EPHA7: variants seen among roughly 807,000 people sequenced by gnomAD.
The protein encoded by EPHA7 is ephrin type-A receptor 7.
EPHA7 carries 25 observed loss-of-function variants against 112.6 expected under a neutral mutation model. That is an observed-to-expected ratio of 0.22 (90% CI 0.16 to 0.31). The LOEUF is 0.31. Ranked by LOEUF, EPHA7 falls within the 10% of genes least tolerant of loss-of-function variation. EPHA7 has a pLI of 1.00. For synonymous variants in EPHA7, 437 were observed against 406.5 expected (o/e 1.07, Z -0.90); for missense variants, 962 against 1,212.6 (o/e 0.79, Z 3.07).
chr6:93,255,435 T>G (rs1297566167), intron 13 of EPHA7, among the ~76,000 whole-genome samples: 1 of 152,120 alleles, frequency 6.6e-6, no homozygotes, highest in African/African-American at 2.4e-5. Flanking sequence ...ATAATTTAAA[T>G]ACATTCTCAC....
At chr6:93,406,815 ATTTAT>A (rs1440153036) in intron 3 of EPHA7, among the ~76,000 whole-genome samples, 2 of 151,926 alleles carry the variant, frequency 1.3e-5, no homozygotes, top group Non-Finnish European at 1.5e-5. Flanking sequence ...ACTTCAGTAT[ATTTAT>A]TTTATTAGTC....
At chr6:93,248,672 A>AAAACAAAC (rs67661858) in intron 14 of EPHA7, among the ~76,000 whole-genome samples, 25,491 of 150,262 alleles carry the variant, frequency 0.17, 2,465 homozygotes, top group South Asian at 0.38. Context: ...TCTCTTTTTA[A>AAAACAAAC]AAACAAACAA....
At chr6:93,291,287 G>A (rs1174464399) in intron 5 of EPHA7, among the ~76,000 whole-genome samples, 1 of 152,110 alleles carries the variant, frequency 6.6e-6, no homozygotes, top group African/African-American at 2.4e-5. Flanking sequence ...TGAATGCAAT[G>A]TTCCTTATGC....
intron 3 of EPHA7, among the ~76,000 whole-genome samples, chr6:93,390,221 C>CA (rs58831325): frequency 0.013 from 1,659 of 125,578 alleles, 26 homozygotes; most frequent in African/African-American, 0.045. Flanking sequence ...TCTGGATTCT[C>CA]AAAAAAAAAA....
intron 14 of EPHA7, 77 bp downstream of exon 14, chr6:93,254,570 G>T (rs974811133): frequency 8.3e-7 from 1 of 1,204,016 alleles, no homozygotes. Flanking sequence ...TTCTTAATGA[G>T]CCTTTACCTA....
Position 93,240,825 on chromosome 6 carries a change from C to T in EPHA7, c.*2601G>A, listed in dbSNP as rs183876070. On this transcript the variant is annotated 3_prime_UTR_variant, in exon 17 of 17. Transcript: ENST00000369303. ...CATCTCTTTCTGGAAGAGAGTATTA[C>T]AATCAGCATTACAATGTTAATTCTT... 9 of 210,386 alleles carry T rather than the reference C, an allele frequency of 4.3e-5. No homozygotes were observed. Among genetic ancestry groups the T allele is most frequent in the African/African-American group, 1.8e-4 (8 of 44,110 alleles). 13.0% of individuals were successfully genotyped at this position (210,386 alleles called of 1,614,324 possible).
chr6:93,368,532 C>T (rs1317421526), intron 3 of EPHA7, among the ~76,000 whole-genome samples: 1 of 152,094 alleles, frequency 6.6e-6, no homozygotes, highest in Non-Finnish European at 1.5e-5. Context: ...AAAATTGCAA[C>T]TTTAGTCCAA....
chr6:93,278,785 T>A (rs1181073661), intron 5 of EPHA7, among the ~76,000 whole-genome samples: 1 of 151,910 alleles, frequency 6.6e-6, no homozygotes, highest in Non-Finnish European at 1.5e-5. Flanking sequence ...CTCAGAGTCA[T>A]ATTTTTTATT....
At chr6:93,312,066 C>G (rs1554179632) in intron 5 of EPHA7, among the ~76,000 whole-genome samples, 1 of 152,138 alleles carries the variant, frequency 6.6e-6, no homozygotes, top group Non-Finnish European at 1.5e-5. Context: ...ACTAATAGAA[C>G]ACAGACAGAG....
chr6:93,266,795 T>A (rs1770961526), intron 7 of EPHA7, among the ~76,000 whole-genome samples: 1 of 151,664 alleles, frequency 6.6e-6, no homozygotes, highest in Non-Finnish European at 1.5e-5. Context: ...GTGGCCAGAA[T>A]CTGTGTACCT....
intron 3 of EPHA7, among the ~76,000 whole-genome samples, chr6:93,387,916 TAGATAGAC>T (rs1202915396): frequency 1.8e-4 from 14 of 76,074 alleles, no homozygotes; most frequent in East Asian, 1.1e-3. Context: ...CCATCTTAGA[TAGATAGAC>T]AGATAGATAG....
At position 93,406,339 on chromosome 6, in the gene EPHA7, TA is replaced by T. The variant is rs972590314; in HGVS notation, c.832+4161del. On this transcript the variant is annotated intron_variant, in intron 3 of 16. Coordinates refer to ENST00000369303, the MANE Select transcript of EPHA7 (RefSeq NM_004440.4). ...TTTACAAGTAGGATTATCATCCAAA[TA>T]AAAAAAAACATTTTTCAAAGCAAAA... 2.3e-4 allele frequency among the ~76,000 whole-genome samples: 34 copies of T among 149,930 alleles called. No individual in the cohort carries two copies. In the East Asian group the frequency reaches 5.7e-3, roughly 25 times the overall value.
rs556731013 is a variant in EPHA7 at position 93,302,342 on chromosome 6, A to G, written c.1325-29920T>C. ...ATTCCAGGTAAATAATTCTTACTGA[A>G]CTATGACTCCTGGGTTCTTTGACCT... On this transcript the variant is annotated intron_variant, in intron 5 of 16. Coordinates refer to ENST00000369303, the MANE Select transcript of EPHA7 (RefSeq NM_004440.4). Among the ~76,000 whole-genome samples, 8 of 152,250 alleles carry G rather than the reference A, an allele frequency of 5.3e-5. No individual in the cohort carries two copies. The South Asian group carries it at 1.7e-3, about 32-fold the overall frequency.
chr6:93,297,760 T>A (rs982777991), intron 5 of EPHA7, among the ~76,000 whole-genome samples: 1 of 152,138 alleles, frequency 6.6e-6, no homozygotes, highest in Admixed American at 6.5e-5. Flanking sequence ...TTGAGGTCCA[T>A]ATACACTATA....
chr6:93,376,122 CA>C (rs1777047802), intron 3 of EPHA7, among the ~76,000 whole-genome samples: 1 of 151,964 alleles, frequency 6.6e-6, no homozygotes, highest in Non-Finnish European at 1.5e-5. Flanking sequence ...TCAGGGGACA[CA>C]TTTTTTTGTG....
Position 93,240,522 on chromosome 6 carries a change from C to G in EPHA7, c.*2904G>C, listed in dbSNP as rs938584358. 4.6e-6 allele frequency: 1 copy of G among 219,676 alleles called. No homozygotes were observed. The allele number at this position is 219,676 out of a possible 1,614,324, so 13.6% of individuals were successfully genotyped here. ...AGCATAAACCACCAGTTCTAGTAAA[C>G]AAGGACCAGATCAATTGCTGAGAAA... On this transcript the variant is annotated 3_prime_UTR_variant, in exon 17 of 17. Transcript: ENST00000369303.
At chr6:93,320,535 T>G (rs530040984) in intron 5 of EPHA7, among the ~76,000 whole-genome samples, 2 of 152,094 alleles carry the variant, frequency 1.3e-5, no homozygotes, top group African/African-American at 4.8e-5. Context: ...CCTTTCATAT[T>G]TACTAAATTT....
At chr6:93,328,916 T>G (rs1774454414) in intron 5 of EPHA7, among the ~76,000 whole-genome samples, 1 of 151,260 alleles carries the variant, frequency 6.6e-6, no homozygotes, top group Non-Finnish European at 1.5e-5. Context: ...AAAGATAACA[T>G]TATTAAGGAG....
At chr6:93,400,830 G>A (rs181039295) in intron 3 of EPHA7, among the ~76,000 whole-genome samples, 75 of 152,178 alleles carry the variant, frequency 4.9e-4, no homozygotes, top group African/African-American at 1.6e-3. Context: ...CAGCCGCTGT[G>A]CCTACCAAGA....
Sources: gnomAD v4.1 joint callset for allele counts (sites outside exome capture counted in the v4.1 genomes callset) on GRCh38, gnomAD v4.1.1 for gene constraint, MANE v1.5 for transcripts, NCBI Gene and HGNC (gene_info 2026-07-23, HGNC 2026-07-21) for gene names.